The following ANGPT1 variants were observed in gnomAD, a reference collection of about 807,000 sequenced individuals.
The protein encoded by ANGPT1 is angiopoietin-1.
A neutral mutation model predicts 62.2 loss-of-function variants in ANGPT1; 17 were observed. The ratio of observed to expected loss-of-function variants is 0.27; its 90% CI spans 0.19 to 0.41. The LOEUF is 0.41. Ranked by LOEUF, ANGPT1 falls within the 10% of genes least tolerant of loss-of-function variation. ANGPT1 has a pLI of 1.00. For missense variants in ANGPT1, 478 were observed against 594.9 expected (o/e 0.80, Z 2.04); for synonymous variants, 199 against 198.9 (o/e 1.00, Z 0.00).
chr8:107,488,534 A>C (rs1336519549), intron 1 of ANGPT1, among the ~76,000 whole-genome samples: 1 of 152,222 alleles, frequency 6.6e-6, no homozygotes, highest in Non-Finnish European at 1.5e-5. Context: ...AATTATTTAA[A>C]ATTCATCAGT....
chr8:107,376,693 G>C (rs1212574294), intron 1 of ANGPT1, among the ~76,000 whole-genome samples: 1 of 152,094 alleles, frequency 6.6e-6, no homozygotes, highest in African/African-American at 2.4e-5. Context: ...GTTGGCTAAA[G>C]GCAATTTGAA....
intron 1 of ANGPT1, among the ~76,000 whole-genome samples, chr8:107,422,120 T>C (rs1254094756): frequency 6.6e-6 from 1 of 152,188 alleles, no homozygotes; most frequent in Non-Finnish European, 1.5e-5. Context: ...TAAGGGTAAT[T>C]TCGAGAAACA....
intron 3 of ANGPT1, among the ~76,000 whole-genome samples, chr8:107,330,450 C>A (rs1400642764): frequency 6.6e-6 from 1 of 152,148 alleles, no homozygotes; most frequent in Non-Finnish European, 1.5e-5. Flanking sequence ...GGAAGTAAGT[C>A]TGCAAAAGTA....
At position 107,268,294 on chromosome 8, in the gene ANGPT1, A is replaced by C. The variant is rs946606517; in HGVS notation, c.1206-3943T>G. ...TAATATCAAAATATACTTGGTCTAC[A>C]TTTCAGAAGTATAGCTTTTACATCT... On this transcript the variant is annotated intron_variant, in intron 7 of 8. Transcript: ENST00000517746. Among the ~76,000 whole-genome samples the C allele has an allele frequency of 3.9e-5, 6 of 152,244 alleles. No homozygotes were observed. The East Asian group carries it at 1.2e-3, about 29-fold the overall frequency.
At chr8:107,321,830 TTGAG>T (rs1214514664) in intron 4 of ANGPT1, 62 bp downstream of exon 4, 37 of 1,388,608 alleles carry the variant, frequency 2.7e-5, no homozygotes, top group Non-Finnish European at 3.4e-5. Context: ...GAAAGCTATA[TTGAG>T]TATTTACTTG....
intron 7 of ANGPT1, among the ~76,000 whole-genome samples, chr8:107,279,961 G>C (rs1813962012): frequency 1.3e-5 from 2 of 151,862 alleles, no homozygotes; most frequent in African/African-American, 4.8e-5. Flanking sequence ...GTTGAGAAGG[G>C]AGAGGTCCCA....
chr8:107,453,385 A>G (rs1811829125), intron 1 of ANGPT1, among the ~76,000 whole-genome samples: 1 of 152,100 alleles, frequency 6.6e-6, no homozygotes, highest in Non-Finnish European at 1.5e-5. Context: ...TTACAGTTCC[A>G]CATGGCTGGG....
At chr8:107,420,339 T>G (rs1195465597) in intron 1 of ANGPT1, among the ~76,000 whole-genome samples, 1 of 152,138 alleles carries the variant, frequency 6.6e-6, no homozygotes, top group Non-Finnish European at 1.5e-5. Flanking sequence ...TTCTAATCCT[T>G]GGCCAAGGTA....
At chr8:107,377,871 C>T (rs1816559468) in intron 1 of ANGPT1, among the ~76,000 whole-genome samples, 1 of 151,876 alleles carries the variant, frequency 6.6e-6, no homozygotes, top group South Asian at 2.1e-4. Context: ...TGTAAATCTC[C>T]TCTAATATCT....
intron 1 of ANGPT1, among the ~76,000 whole-genome samples, chr8:107,451,615 G>A (rs1811781108): frequency 6.6e-6 from 1 of 151,886 alleles, no homozygotes; most frequent in Non-Finnish European, 1.5e-5. Context: ...CATGGAACTT[G>A]TTATTTTATA....
chr8:107,305,257 A>G (rs1007904057), intron 4 of ANGPT1, among the ~76,000 whole-genome samples: 1 of 152,028 alleles, frequency 6.6e-6, no homozygotes, highest in African/African-American at 2.4e-5. Flanking sequence ...AAACACAGGA[A>G]GATGTGGTCA....
intron 1 of ANGPT1, among the ~76,000 whole-genome samples, chr8:107,369,790 C>T (rs1816344742): frequency 6.6e-6 from 1 of 152,054 alleles, no homozygotes; most frequent in South Asian, 2.1e-4. Flanking sequence ...TGAAGTTCTC[C>T]TACTCATTTG....
chr8:107,483,190 A>G (rs1056977278), intron 1 of ANGPT1, among the ~76,000 whole-genome samples: 1 of 152,212 alleles, frequency 6.6e-6, no homozygotes, highest in Non-Finnish European at 1.5e-5. Context: ...CATTTCCCTA[A>G]TGACCTTTTC....
At chr8:107,323,481 C>A (rs994490403) in intron 3 of ANGPT1, among the ~76,000 whole-genome samples, 1 of 152,112 alleles carries the variant, frequency 6.6e-6, no homozygotes, top group Non-Finnish European at 1.5e-5. Flanking sequence ...GTTTGAAGAG[C>A]CAAATCTTCC....
intron 4 of ANGPT1, among the ~76,000 whole-genome samples, chr8:107,306,871 C>T (rs1451710469): frequency 6.6e-6 from 1 of 151,274 alleles, no homozygotes; most frequent in Non-Finnish European, 1.5e-5. Context: ...ACAGTGAGAC[C>T]ATGTCTCTTC....
At chr8:107,446,861 C>G (rs1811637464) in intron 1 of ANGPT1, among the ~76,000 whole-genome samples, 1 of 152,180 alleles carries the variant, frequency 6.6e-6, no homozygotes, top group Non-Finnish European at 1.5e-5. Context: ...CAATTGTATA[C>G]TTGACTTCTC....
At chr8:107,418,388 G>A (rs1810809327) in intron 1 of ANGPT1, among the ~76,000 whole-genome samples, 1 of 152,120 alleles carries the variant, frequency 6.6e-6, no homozygotes, top group African/African-American at 2.4e-5. Context: ...AGAAAAAAAT[G>A]GGCACATGAG....
intron 1 of ANGPT1, among the ~76,000 whole-genome samples, chr8:107,410,227 C>A (rs1277479766): frequency 5.3e-5 from 8 of 152,210 alleles, no homozygotes; most frequent in African/African-American, 1.9e-4. Flanking sequence ...TTACCTTCAA[C>A]TTCAAGGGTC....
chr8:107,314,645 A>G (rs1814971202), intron 4 of ANGPT1, among the ~76,000 whole-genome samples: 1 of 152,198 alleles, frequency 6.6e-6, no homozygotes, highest in Non-Finnish European at 1.5e-5. Flanking sequence ...TAAATGTTTG[A>G]CATATAATTT....
Sources: gnomAD v4.1 joint callset for allele counts (sites outside exome capture counted in the v4.1 genomes callset) on GRCh38, gnomAD v4.1.1 for gene constraint, MANE v1.5 for transcripts, NCBI Gene and HGNC (gene_info 2026-07-23, HGNC 2026-07-21) for gene names.